Variants in EMSY observed in about 807,000 individuals in gnomAD.
EMSY encodes the protein BRCA2-interacting transcriptional repressor EMSY.
A neutral mutation model predicts 134.6 loss-of-function variants in EMSY; 26 were observed. The observed-to-expected ratio is 0.19, with a 90% CI of 0.14 to 0.27. The LOEUF is 0.27. EMSY is among the 10% of genes least tolerant of loss of function. EMSY has a pLI of 1.00. For synonymous variants in EMSY, 579 were observed against 577.8 expected (o/e 1.00, Z -0.03); for missense variants, 1,305 against 1,611.4 (o/e 0.81, Z 3.26).
intron 8 of EMSY, among the ~76,000 whole-genome samples, chr11:76,483,196 A>C (rs1241019938): frequency 6.6e-6 from 1 of 152,236 alleles, no homozygotes; most frequent in African/African-American, 2.4e-5. Flanking sequence ...ACAGACAAGC[A>C]AATGCTGAGA....
At chr11:76,485,594 T>A (rs1448596140) in intron 8 of EMSY, among the ~76,000 whole-genome samples, 2 of 152,206 alleles carry the variant, frequency 1.3e-5, no homozygotes, top group East Asian at 3.8e-4. Context: ...AATATCATAC[T>A]GAATGGGCAA....
chr11:76,523,163 A>G (rs767618048), exon 12 of EMSY: 27 of 1,609,328 alleles, frequency 1.7e-5, no homozygotes, highest in African/African-American at 8.0e-5. Context: ...AGGAACGACT[A>G]CCAAAATCAC....
intron 11 of EMSY, among the ~76,000 whole-genome samples, chr11:76,521,862 T>A (rs560352066): frequency 5.5e-4 from 84 of 151,462 alleles, no homozygotes; most frequent in African/African-American, 1.8e-3. Context: ...ACCTAGGAGT[T>A]TGAGACCAGC....
intron 20 of EMSY, among the ~76,000 whole-genome samples, chr11:76,547,735 A>G (rs1039362488): frequency 6.6e-6 from 1 of 152,232 alleles, no homozygotes; most frequent in African/African-American, 2.4e-5. Context: ...TCCTATACTC[A>G]CTAAATTAAA....
intron 18 of EMSY, among the ~76,000 whole-genome samples, chr11:76,543,427 G>A (rs1951519586): frequency 6.6e-6 from 1 of 152,122 alleles, no homozygotes; most frequent in South Asian, 2.1e-4. Flanking sequence ...ATTGAGGGAA[G>A]CCAACTGGCT....
intron 1 of EMSY, among the ~76,000 whole-genome samples, chr11:76,446,522 C>T (rs1947417931): frequency 6.6e-6 from 1 of 151,970 alleles, no homozygotes; most frequent in Non-Finnish European, 1.5e-5. Context: ...TTGGTAGTAC[C>T]ACCTGTTTAT....
intron 8 of EMSY, among the ~76,000 whole-genome samples, chr11:76,486,283 G>A (rs2135582218): frequency 6.6e-6 from 1 of 152,268 alleles, no homozygotes; most frequent in South Asian, 2.1e-4. Flanking sequence ...GATAGCATTA[G>A]GAGAAATAAC....
chr11:76,537,491 A>G (rs552824903), intron 15 of EMSY, among the ~76,000 whole-genome samples: 9 of 152,354 alleles, frequency 5.9e-5, no homozygotes, highest in South Asian at 2.1e-4. Flanking sequence ...GAAGAAGGGT[A>G]TAGGAAATAC....
At chr11:76,543,513 C>T (rs545116111) in intron 18 of EMSY, among the ~76,000 whole-genome samples, 17 of 152,240 alleles carry the variant, frequency 1.1e-4, no homozygotes, top group African/African-American at 3.6e-4. Flanking sequence ...GACCTTTCTC[C>T]GGACACCTAG....
intron 8 of EMSY, among the ~76,000 whole-genome samples, chr11:76,492,884 C>T (rs1949478326): frequency 6.6e-6 from 1 of 152,108 alleles, no homozygotes; most frequent in Non-Finnish European, 1.5e-5. Flanking sequence ...TTCTGGCCCG[C>T]CTGTGGCCAC....
intron 9 of EMSY, among the ~76,000 whole-genome samples, chr11:76,512,264 G>T (rs765097021): frequency 6.6e-6 from 1 of 151,848 alleles, no homozygotes; most frequent in East Asian, 1.9e-4. Flanking sequence ...CATTTACCCC[G>T]AGAATACTTG....
chr11:76,552,413 A>G (rs749015242), downstream of EMSY: 35 of 152,232 alleles, frequency 2.3e-4, no homozygotes, highest in Non-Finnish European at 4.1e-4. Flanking sequence ...TGAAAGTCTT[A>G]GCATTATATC....
rs1254610614 is a variant in EMSY, at chr11:76,498,049, AT to A, written c.1363+1586del. On this transcript the variant is annotated intron_variant, in intron 9 of 20. Transcript: ENST00000334736. ...TATGTTCTGTTTTCATTTTTATTCA[AT>A]TTTTTGTGTAAGACTTCTTCTTTGA... 2.0e-5 allele frequency among the ~76,000 whole-genome samples: 3 copies of A among 152,022 alleles called. No individual in the cohort carries two copies. In the South Asian group the frequency reaches 6.2e-4, roughly 32 times the overall value.
intron 17 of EMSY, among the ~76,000 whole-genome samples, chr11:76,541,267 A>G (rs1237689799): frequency 6.6e-6 from 1 of 152,180 alleles, no homozygotes; most frequent in Non-Finnish European, 1.5e-5. Context: ...AAGCTGGTAA[A>G]ATTTGATAGA....
intron 8 of EMSY, among the ~76,000 whole-genome samples, chr11:76,487,799 A>C (rs985005640): frequency 6.6e-6 from 1 of 152,380 alleles, no homozygotes; most frequent in South Asian, 2.1e-4. Context: ...CGTTATGCCT[A>C]TGGAGATATT....
At chr11:76,528,350 A>G in exon 14 of EMSY, 1 of 1,613,548 alleles carries the variant, frequency 6.2e-7, no homozygotes, top group Non-Finnish European at 8.5e-7. Context: ...GAAACATTAC[A>G]GCAAGCATCC....
intron 15 of EMSY, among the ~76,000 whole-genome samples, chr11:76,536,425 C>T (rs1275770841): frequency 6.6e-6 from 1 of 152,164 alleles, no homozygotes; most frequent in East Asian, 1.9e-4. Context: ...TTGCCAGTTG[C>T]ATTGAAGAAT....
At chr11:76,463,934 A>G (rs761362589) in exon 7 of EMSY, 2 of 1,614,064 alleles carry the variant, frequency 1.2e-6, no homozygotes, top group Non-Finnish European at 1.7e-6. Context: ...TCCAGTCTCA[A>G]AGACGATCAC....
At chr11:76,544,943 T>A in intron 19 of EMSY, 121 bp downstream of exon 20, 1 of 1,071,600 alleles carries the variant, frequency 9.3e-7, no homozygotes, top group Non-Finnish European at 1.3e-6. Flanking sequence ...CCCAAAAGCC[T>A]CATTACGCTG....
Sources: gnomAD v4.1 joint callset for allele counts (sites outside exome capture counted in the v4.1 genomes callset) on GRCh38, gnomAD v4.1.1 for gene constraint, MANE v1.5 for transcripts, NCBI Gene and HGNC (gene_info 2026-07-23, HGNC 2026-07-21) for gene names.